The following OCA2 variants were observed in gnomAD, a reference collection of about 807,000 sequenced individuals.
OCA2 encodes the protein OCA2 melanosomal transmembrane protein.
A neutral mutation model predicts 100.2 loss-of-function variants in OCA2; 77 were observed. The ratio of observed to expected loss-of-function variants is 0.77; its 90% CI spans 0.64 to 0.93. The LOEUF is 0.93. OCA2 is among the 40% of genes least tolerant of loss of function. The pLI is 0.00. For missense variants in OCA2, 1,062 were observed against 1,089.1 expected (o/e 0.98, Z 0.35); for synonymous variants, 432 against 439.2 (o/e 0.98, Z 0.21).
At chr15:27,938,419 C>G (rs2039532950) in intron 18 of OCA2, among the ~76,000 whole-genome samples, 1 of 152,176 alleles carries the variant, frequency 6.6e-6, no homozygotes, top group South Asian at 2.1e-4. Context: ...CTCACTAGAC[C>G]AAGTGGGCTG....
intron 9 of OCA2, among the ~76,000 whole-genome samples, chr15:28,009,161 A>G (rs538394846): frequency 2.0e-5 from 3 of 152,324 alleles, no homozygotes; most frequent in African/African-American, 7.2e-5. Context: ...TCACAGAAAC[A>G]TAAGGTAGAA....
chr15:27,735,959 CT>C, the OCA2 span, among the ~76,000 whole-genome samples: 1 of 152,240 alleles, frequency 6.6e-6, no homozygotes, highest in East Asian at 1.9e-4. Context: ...ATAAAACTCA[CT>C]GGTAAAAAGA....
At chr15:27,812,742 G>A (rs1047059017) in intron 23 of OCA2, among the ~76,000 whole-genome samples, 4 of 152,174 alleles carry the variant, frequency 2.6e-5, no homozygotes, top group African/African-American at 9.7e-5. Context: ...GGAGAAACAT[G>A]TGATGTGAGG....
intron 9 of OCA2, among the ~76,000 whole-genome samples, chr15:28,005,303 C>A (rs113416830): frequency 2.0e-5 from 3 of 152,154 alleles, no homozygotes; most frequent in African/African-American, 7.2e-5. Flanking sequence ...GCCCCCGTCT[C>A]CCCAAGCCCA....
At chr15:27,828,637 T>C (rs2034826563) in intron 23 of OCA2, among the ~76,000 whole-genome samples, 1 of 152,192 alleles carries the variant, frequency 6.6e-6, no homozygotes, top group Admixed American at 6.5e-5. Flanking sequence ...TCACAGGTTT[T>C]TCAAGCTGAC....
At chr15:27,908,724 A>G (rs1391103904) in intron 19 of OCA2, among the ~76,000 whole-genome samples, 3 of 152,178 alleles carry the variant, frequency 2.0e-5, no homozygotes, top group African/African-American at 7.2e-5. Context: ...ATGTAGCAAC[A>G]TGTGTGTGAT....
the OCA2 span, among the ~76,000 whole-genome samples, chr15:27,733,450 T>C: frequency 2.0e-5 from 3 of 148,890 alleles, no homozygotes; most frequent in Admixed American, 6.8e-5. Flanking sequence ...CCCAGCATGC[T>C]CTTCCCTCAG....
chr15:27,827,601 A>G (rs927897403), intron 23 of OCA2, among the ~76,000 whole-genome samples: 21 of 152,228 alleles, frequency 1.4e-4, no homozygotes, highest in African/African-American at 4.8e-4. Flanking sequence ...AACAGAAACC[A>G]TCATGATGCT....
At chr15:27,896,336 T>C (rs2037687843) in intron 19 of OCA2, 1 of 803,532 alleles carries the variant, frequency 1.2e-6, no homozygotes, top group African/African-American at 1.7e-5. Context: ...TGGAGGAAGA[T>C]GAAGATGCTT....
chr15:27,886,873 G>A (rs1218456806), intron 19 of OCA2, among the ~76,000 whole-genome samples: 2 of 152,172 alleles, frequency 1.3e-5, no homozygotes, highest in Non-Finnish European at 2.9e-5. Flanking sequence ...GGTAAGAGGA[G>A]AGGAAACTGT....
At chr15:27,749,160 C>G in the OCA2 span, among the ~76,000 whole-genome samples, 3 of 152,008 alleles carry the variant, frequency 2.0e-5, no homozygotes, top group Non-Finnish European at 4.4e-5. Context: ...CCATACTAAG[C>G]CACAACATAA....
chr15:27,766,690 C>T (rs971402441), intron 23 of OCA2, among the ~76,000 whole-genome samples: 3 of 152,198 alleles, frequency 2.0e-5, no homozygotes, highest in African/African-American at 4.8e-5. Flanking sequence ...TCACTCCTAC[C>T]CAGTACCAAG....
At chr15:27,960,915 A>G (rs2040389276) in intron 15 of OCA2, among the ~76,000 whole-genome samples, 1 of 151,922 alleles carries the variant, frequency 6.6e-6, no homozygotes, top group Non-Finnish European at 1.5e-5. Flanking sequence ...CAAAAAAAAA[A>G]AAAAAAAAAT....
chr15:27,861,725 T>G (rs566842293), intron 21 of OCA2, among the ~76,000 whole-genome samples: 1 of 152,050 alleles, frequency 6.6e-6, no homozygotes, highest in Non-Finnish European at 1.5e-5. Context: ...AAAAACTCAA[T>G]TGCAGTAAAG....
intron 19 of OCA2, among the ~76,000 whole-genome samples, chr15:27,924,832 A>G (rs1044808723): frequency 2.6e-5 from 4 of 152,174 alleles, no homozygotes; most frequent in African/African-American, 9.7e-5. Flanking sequence ...TAAGTATTAA[A>G]TGGGGGTGGA....
chr15:27,746,234 G>A, the OCA2 span, among the ~76,000 whole-genome samples: 1 of 152,142 alleles, frequency 6.6e-6, no homozygotes, highest in Non-Finnish European at 1.5e-5. Flanking sequence ...AAGGCAGGTG[G>A]ATCACGGGGT....
the OCA2 span, among the ~76,000 whole-genome samples, chr15:27,724,569 T>G: frequency 6.6e-6 from 1 of 152,136 alleles, no homozygotes; most frequent in African/African-American, 2.4e-5. Flanking sequence ...CAGCTCATCC[T>G]CAGCAGGCCC....
At chr15:27,837,221 A>C (rs1223424250) in intron 23 of OCA2, among the ~76,000 whole-genome samples, 2 of 152,202 alleles carry the variant, frequency 1.3e-5, no homozygotes, top group African/African-American at 2.4e-5. Flanking sequence ...TATCCTCCCT[A>C]GGAAGTGCCG....
intron 2 of OCA2, among the ~76,000 whole-genome samples, chr15:28,035,052 C>G (rs745907610): frequency 6.6e-6 from 1 of 151,986 alleles, no homozygotes; most frequent in Non-Finnish European, 1.5e-5. Context: ...CACAGCAGCA[C>G]CACATCGCAC....
Sources: allele counts gnomAD v4.1 joint callset (sites outside exome capture counted in the v4.1 genomes callset), GRCh38; gene constraint gnomAD v4.1.1; transcripts MANE v1.5; gene names NCBI Gene and HGNC (gene_info 2026-07-23, HGNC 2026-07-21).